The following DNAJC24 variants were observed in gnomAD, a reference collection of about 807,000 sequenced individuals.
DNAJC24 encodes the protein dnaJ homolog subfamily C member 24.
A neutral mutation model predicts 18.0 loss-of-function variants in DNAJC24; 17 were observed. The observed-to-expected ratio is 0.94, with a 90% CI of 0.65 to 1.42. DNAJC24 has a LOEUF of 1.42. Ranked by LOEUF, DNAJC24 falls within the 40% of genes most tolerant of loss-of-function variation. DNAJC24 has a pLI of 0.00. For missense variants in DNAJC24, 158 were observed against 175.6 expected (o/e 0.90, Z 0.57); for synonymous variants, 55 against 57.7 (o/e 0.95, Z 0.21).
chr11:31,378,179 G>C (rs574885555), intron 2 of DNAJC24, among the ~76,000 whole-genome samples: 1 of 149,932 alleles, frequency 6.7e-6, no homozygotes, highest in South Asian at 2.1e-4. Flanking sequence ...AGGTACTTAG[G>C]CATTAAGAGA....
intron 2 of DNAJC24, among the ~76,000 whole-genome samples, chr11:31,390,705 TAAAAAAAAA>T (rs34050503): frequency 8.8e-6 from 1 of 114,094 alleles, no homozygotes; most frequent in African/African-American, 3.3e-5. Context: ...GATTCCATCT[TAAAAAAAAA>T]AAAAAAAAAA....
rs1189140174 is a variant in DNAJC24, at chr11:31,430,420, A to G, written c.*19A>G. 3 of 1,600,160 alleles carry G rather than the reference A, an allele frequency of 1.9e-6. No individual in the cohort carries two copies. Among genetic ancestry groups the G allele is most frequent in the East Asian group, 2.2e-5 (1 of 44,532 alleles). On this transcript the variant is annotated 3_prime_UTR_variant, in exon 5 of 5. Coordinates refer to ENST00000465995, the MANE Select transcript of DNAJC24 (RefSeq NM_181706.5). ...TAACTAAAATTGTTCACAACTTGAAATGCTTTAACTGTGGTATTGAGACAT... is the reference window on the plus strand; with the variant it reads ...TAACTAAAATTGTTCACAACTTGAAGTGCTTTAACTGTGGTATTGAGACAT...
chr11:31,397,707 G>A (rs1049267082), intron 2 of DNAJC24, among the ~76,000 whole-genome samples: 2 of 151,968 alleles, frequency 1.3e-5, no homozygotes, highest in Non-Finnish European at 2.9e-5. Context: ...ACAACTGCAC[G>A]GTCTTAACAG....
At chr11:31,428,252 C>T (rs1355530649) in intron 4 of DNAJC24, among the ~76,000 whole-genome samples, 3 of 152,044 alleles carry the variant, frequency 2.0e-5, no homozygotes, top group Non-Finnish European at 2.9e-5. Context: ...AGAATCCCAT[C>T]CATAGCCAAT....
intron 3 of DNAJC24, chr11:31,417,281 C>T (rs763618536): frequency 3.3e-5 from 5 of 151,990 alleles, no homozygotes; most frequent in Admixed American, 6.6e-5. Context: ...TATTTTTAAG[C>T]CTTTCATACC....
chr11:31,397,061 C>G (rs1952549403), intron 2 of DNAJC24, among the ~76,000 whole-genome samples: 1 of 152,220 alleles, frequency 6.6e-6, no homozygotes, highest in Non-Finnish European at 1.5e-5. Context: ...CCTTCCCCAA[C>G]TTATCCAAGT....
chr11:31,419,062 A>G (rs1293547839), intron 3 of DNAJC24, among the ~76,000 whole-genome samples: 1 of 152,116 alleles, frequency 6.6e-6, no homozygotes, highest in African/African-American at 2.4e-5. Context: ...TGTAGATAAT[A>G]TAAATTTTGG....
At chr11:31,413,026 C>T (rs1459955055) in intron 2 of DNAJC24, among the ~76,000 whole-genome samples, 7 of 152,088 alleles carry the variant, frequency 4.6e-5, no homozygotes, top group African/African-American at 1.7e-4. Context: ...TGACTTTAGC[C>T]TTCGCAATTT....
chr11:31,399,549 G>T (rs1200281052), intron 2 of DNAJC24, among the ~76,000 whole-genome samples: 2 of 151,672 alleles, frequency 1.3e-5, no homozygotes, highest in Non-Finnish European at 2.9e-5. Context: ...GAGTAGCTGG[G>T]AGTACAGGCG....
intron 2 of DNAJC24, among the ~76,000 whole-genome samples, chr11:31,409,203 A>G (rs778710898): frequency 9.9e-5 from 15 of 152,160 alleles, no homozygotes; most frequent in Non-Finnish European, 1.9e-4. Flanking sequence ...ATGGCTTAGA[A>G]AGATTTGCTA....
intron 3 of DNAJC24, chr11:31,416,228 G>A (rs1189382858): frequency 6.6e-6 from 1 of 152,020 alleles, no homozygotes; most frequent in African/African-American, 2.4e-5. Flanking sequence ...TTGAATATTG[G>A]GTTCTGCTTT....
chr11:31,405,155 C>T lies in DNAJC24; in HGVS notation c.112-9656C>T, dbSNP rs569122057. On this transcript the variant is annotated intron_variant, in intron 2 of 4. Transcript: ENST00000465995. ...TGTGACCTCAGCTCACTGCAACCTC[C>T]GCTTCCCAGATTCCAGCGATTCTCC... 3.0e-4 allele frequency among the ~76,000 whole-genome samples: 46 copies of T among 151,182 alleles called. No homozygotes were observed. The South Asian group carries it at 7.1e-3, about 23-fold the overall frequency.
chr11:31,401,606 A>C (rs913574876), intron 2 of DNAJC24, among the ~76,000 whole-genome samples: 1 of 152,026 alleles, frequency 6.6e-6, no homozygotes, highest in Non-Finnish European at 1.5e-5. Context: ...CTCAGAATCA[A>C]TCTCTCAATT....
rs540545429 is a variant in DNAJC24 at position 31,431,687 on chromosome 11, T to C, written c.*1286T>C. On this transcript the variant is annotated 3_prime_UTR_variant, in exon 5 of 5. Transcript: ENST00000465995. ...TTTAAAAATTAGCCAGTCACGTTGG[T>C]GTCTGCCTGTGGTCCCAGCTACTCG... The C allele has an allele frequency of 5.9e-5, 9 of 151,824 alleles. No individual in the cohort carries two copies. Among genetic ancestry groups the C allele is most frequent in the Admixed American group, 4.6e-4 (7 of 15,242 alleles). 9.4% of individuals were successfully genotyped at this position (151,824 alleles called of 1,614,324 possible).
chr11:31,374,750 C>A lies in DNAJC24; in HGVS notation c.111+3891C>A, dbSNP rs2133465962. 3.0e-5 allele frequency among the ~76,000 whole-genome samples: 4 copies of A among 134,090 alleles called. 2 individuals carry two copies. The South Asian group carries it at 1.0e-3, about 34-fold the overall frequency. 88.0% of individuals were successfully genotyped at this position (134,090 alleles called of 152,430 possible). A position where few individuals can be genotyped will look rare whatever the true frequency, so the allele number is the denominator to read the frequency against. On this transcript the variant is annotated intron_variant, in intron 2 of 4. Transcript: ENST00000465995. ...TCAAAGGTACTTAATGCCTTCCGTT[C>A]CTCAATTTCTCCTGCCTCTGTGTGA... is the stretch of plus-strand genomic sequence containing the variant.
chr11:31,383,974 A>G (rs1283138706), intron 2 of DNAJC24, among the ~76,000 whole-genome samples: 2 of 152,236 alleles, frequency 1.3e-5, no homozygotes, highest in Non-Finnish European at 2.9e-5. Context: ...TTTCCAGAAT[A>G]GGCAAAATAC....
chr11:31,392,340 G>A (rs980431137), intron 2 of DNAJC24, among the ~76,000 whole-genome samples: 1 of 151,998 alleles, frequency 6.6e-6, no homozygotes, highest in Non-Finnish European at 1.5e-5. Flanking sequence ...TTGTGTGCCG[G>A]TATCACAATA....
At chr11:31,398,075 A>G (rs1472667573) in intron 2 of DNAJC24, among the ~76,000 whole-genome samples, 2 of 152,228 alleles carry the variant, frequency 1.3e-5, no homozygotes, top group Non-Finnish European at 1.5e-5. Context: ...TGCTAGGATT[A>G]TAGGCGTGAG....
intron 2 of DNAJC24, among the ~76,000 whole-genome samples, chr11:31,377,143 C>T (rs537292585): frequency 3.3e-5 from 5 of 152,142 alleles, no homozygotes; most frequent in African/African-American, 9.6e-5. Flanking sequence ...AAAAGGCACA[C>T]GTATTACATG....
Sources: allele counts gnomAD v4.1 joint callset (sites outside exome capture counted in the v4.1 genomes callset), GRCh38; gene constraint gnomAD v4.1.1; transcripts MANE v1.5; gene names NCBI Gene and HGNC (gene_info 2026-07-23, HGNC 2026-07-21).